The following SYNE2 variants were observed in gnomAD, a reference collection of about 807,000 sequenced individuals.
SYNE2 encodes spectrin repeat containing nuclear envelope protein 2.
In SYNE2, 431 loss-of-function variants were observed where a neutral mutation model predicts 856.3. The observed-to-expected ratio is 0.50, with a 90% CI of 0.47 to 0.55. SYNE2 has a LOEUF of 0.55. Among genes scored for constraint, SYNE2 ranks in the 20% least tolerant of loss-of-function variants. The probability of loss-of-function intolerance (pLI) is 0.00; values close to 1 mark genes in which losing one functional copy is unlikely to be tolerated. For missense variants in SYNE2, 8,129 were observed against 8,023.2 expected (o/e 1.01, Z -0.50); for synonymous variants, 2,923 against 2,872.3 (o/e 1.02, Z -0.56).
chr14:63,798,397 T>C (rs1888004110), intron 1 of SYNE2, among the ~76,000 whole-genome samples: 3 of 151,344 alleles, frequency 2.0e-5, no homozygotes, highest in East Asian at 1.9e-4. Flanking sequence ...TTTTTTTTTT[T>C]CTTTTTTTTT....
At chr14:64,000,343 C>T (rs2096744239) in intron 27 of SYNE2, among the ~76,000 whole-genome samples, 1 of 152,082 alleles carries the variant, frequency 6.6e-6, no homozygotes, top group South Asian at 2.1e-4. Context: ...TTGTCGACTC[C>T]CTTGACTTTA....
chr14:63,824,210 G>T (rs1338040095), intron 1 of SYNE2, among the ~76,000 whole-genome samples: 1 of 152,082 alleles, frequency 6.6e-6, no homozygotes, highest in Non-Finnish European at 1.5e-5. Context: ...ATGGTAGTGT[G>T]CATCTGTAGT....
chr14:64,177,381 A>ATTG lies in SYNE2; in HGVS notation c.17454_17455insTTG (p.Lys5818_Ile5819insLeu). 6.2e-7 allele frequency: 1 copy of ATTG among 1,614,210 alleles called. No homozygotes were observed. Among genetic ancestry groups the ATTG allele is most frequent in the Non-Finnish European group, 8.5e-7 (1 of 1,180,032 alleles). The stretch of plus-strand genomic sequence containing the variant: ...AGACCTGGGACCAGTGTGAAAAGAA[A>ATTG]ATCAAGGAGTTGAAAAGCAGGCTGC... On this transcript the variant is annotated inframe_insertion, in exon 96 of 116. Coordinates refer to ENST00000555002, the MANE Select transcript of SYNE2 (RefSeq NM_182914.3).
chr14:64,223,396 G>A lies in SYNE2; in HGVS notation c.20382+16G>A. The stretch of plus-strand genomic sequence containing the variant: ...GGGAACCCAGGTGAGTCTACTTGTA[G>A]CTTTTAACTGTAAAGATTGCCGTAT... On this transcript the variant is annotated intron_variant, in intron 113 of 115. Coordinates refer to ENST00000555002, the MANE Select transcript of SYNE2 (RefSeq NM_182914.3). 6.2e-7 allele frequency: 1 copy of A among 1,613,092 alleles called. No individual in the cohort carries two copies. Among genetic ancestry groups the A allele is most frequent in the South Asian group, 1.1e-5 (1 of 90,802 alleles).
chr14:63,805,664 C>T (rs1378849725), intron 1 of SYNE2, among the ~76,000 whole-genome samples: 1 of 152,200 alleles, frequency 6.6e-6, no homozygotes, highest in African/African-American at 2.4e-5. Flanking sequence ...TGAGCCACCG[C>T]GCCCGGCCAT....
At chr14:64,115,035 A>G (rs2097843467) in intron 66 of SYNE2, among the ~76,000 whole-genome samples, 1 of 152,204 alleles carries the variant, frequency 6.6e-6, no homozygotes, top group Admixed American at 6.5e-5. Context: ...GCACAGAGCA[A>G]TGCTATGCTA....
In SYNE2 at chr14:64,168,978, T is replaced by C. The variant is rs1471415517; in HGVS notation, c.17000+7T>C. ...CAACAGAAATAGAGAACAGGTGAGC[T>C]GTCTGGGCCTCATGAAGGTTGTGGG... On this transcript the variant is annotated splice_region_variant and intron_variant, in intron 93 of 115. Coordinates refer to ENST00000555002, the MANE Select transcript of SYNE2 (RefSeq NM_182914.3). 2 of 1,608,548 alleles carry C rather than the reference T, an allele frequency of 1.2e-6. No individual in the cohort carries two copies. Among genetic ancestry groups the C allele is most frequent in the Non-Finnish European group, 1.7e-6 (2 of 1,174,904 alleles).
intron 88 of SYNE2, chr14:64,162,494 A>T: frequency 3.3e-6 from 2 of 604,038 alleles, no homozygotes; most frequent in East Asian, 6.0e-5. Context: ...GGGACTCGAT[A>T]TCACCTCGTT....
At chr14:63,942,830 C>G (rs973985215) in intron 6 of SYNE2, among the ~76,000 whole-genome samples, 7 of 152,106 alleles carry the variant, frequency 4.6e-5, no homozygotes, top group Admixed American at 1.3e-4. Context: ...GGGGTTTCAT[C>G]ATGTTGGCCA....
chr14:64,221,457 G>T, intron 111 of SYNE2, 119 bp from the exon 112 acceptor site: 20 of 1,589,718 alleles, frequency 1.3e-5, no homozygotes, highest in Non-Finnish European at 1.7e-5. Context: ...CTCGTATTCA[G>T]TGGGTAAGGC....
rs566006729 is a variant in SYNE2 at position 63,986,444 on chromosome 14, T to C, written c.2152-12T>C. On this transcript the variant is annotated splice_polypyrimidine_tract_variant and intron_variant, in intron 18 of 115. Coordinates refer to ENST00000555002, the MANE Select transcript of SYNE2 (RefSeq NM_182914.3). ...GCTGACATTTTCTCAGTGGTACTTT[T>C]GAATGTTGTAGGCTGGAGAGAAACA... 6.2e-5 allele frequency: 100 copies of C among 1,613,942 alleles called. No individual in the cohort carries two copies. The South Asian group carries it at 1.1e-3, about 17-fold the overall frequency.
chr14:63,918,538 T>C (rs574431615), intron 2 of SYNE2, among the ~76,000 whole-genome samples: 1 of 152,380 alleles, frequency 6.6e-6, no homozygotes, highest in African/African-American at 2.4e-5. Flanking sequence ...TCTGAATATG[T>C]GTCTCTTTGG....
At chr14:63,890,805 A>G (rs1458351284) in intron 1 of SYNE2, among the ~76,000 whole-genome samples, 4 of 152,144 alleles carry the variant, frequency 2.6e-5, no homozygotes, top group South Asian at 2.1e-4. Context: ...GAAGATTGAA[A>G]TTGCTCCTTT....
chr14:64,010,455 A>G (rs1156741076), intron 32 of SYNE2, among the ~76,000 whole-genome samples: 1 of 152,068 alleles, frequency 6.6e-6, no homozygotes, highest in Non-Finnish European at 1.5e-5. Context: ...TGACAGAAGG[A>G]AGACGGTGGG....
intron 1 of SYNE2, among the ~76,000 whole-genome samples, chr14:63,859,030 A>G (rs1892750087): frequency 6.6e-6 from 1 of 152,130 alleles, no homozygotes; most frequent in Admixed American, 6.6e-5. Context: ...AGTTTACCCC[A>G]CCTATGCCAG....
intron 45 of SYNE2, 38 bp downstream of exon 45, chr14:64,031,395 T>C: frequency 6.3e-7 from 1 of 1,581,606 alleles, no homozygotes; most frequent in East Asian, 2.2e-5. Flanking sequence ...ACAGTGAGTC[T>C]GAGAATGAAG....
At chr14:63,839,494 A>G (rs1278753071) in intron 1 of SYNE2, among the ~76,000 whole-genome samples, 2 of 152,028 alleles carry the variant, frequency 1.3e-5, no homozygotes, top group African/African-American at 2.4e-5. Flanking sequence ...CAGCTATTCT[A>G]GTCATTTGTT....
chr14:63,843,760 A>G (rs920003172), intron 1 of SYNE2, among the ~76,000 whole-genome samples: 4 of 152,210 alleles, frequency 2.6e-5, no homozygotes, highest in African/African-American at 9.6e-5. Flanking sequence ...GATTTATTCC[A>G]CTATTGATAT....
chr14:63,812,215 C>T (rs1888641807), intron 1 of SYNE2, among the ~76,000 whole-genome samples: 1 of 152,052 alleles, frequency 6.6e-6, no homozygotes, highest in Admixed American at 6.6e-5. Context: ...CATTCCTTTC[C>T]CAGGGTCTTA....
Sources: gnomAD v4.1 joint callset for allele counts (sites outside exome capture counted in the v4.1 genomes callset) on GRCh38, gnomAD v4.1.1 for gene constraint, MANE v1.5 for transcripts, NCBI Gene and HGNC (gene_info 2026-07-23, HGNC 2026-07-21) for gene names.